The following ZNF711 variants were observed in gnomAD, a reference collection of about 807,000 sequenced individuals.
ZNF711 encodes the protein zinc finger protein 711.
Under a neutral mutation model 43.5 loss-of-function variants are expected in ZNF711, and 3 were observed. The observed-to-expected ratio is 0.07, with a 90% confidence interval of 0.03 to 0.18. The LOEUF is 0.18. Ranked by LOEUF, ZNF711 falls within the 10% of genes least tolerant of loss-of-function variation. The probability of loss-of-function intolerance (pLI) is 1.00; values close to 1 mark genes in which losing one functional copy is unlikely to be tolerated. For synonymous variants in ZNF711, 209 were observed against 207.7 expected (o/e 1.01, Z -0.06); for missense variants, 412 against 604.0 (o/e 0.68, Z 3.33).
intron 4 of ZNF711, among the ~76,000 whole-genome samples, chrX:85,249,782 A>G (rs886849555): frequency 3.6e-5 from 4 of 111,857 alleles, no homozygotes; most frequent in Non-Finnish European, 7.5e-5. Context: ...ACAAAATTGT[A>G]TAACCATCAC....
chrX:85,247,828 T>A (rs1929164712), intron 4 of ZNF711, among the ~76,000 whole-genome samples, 177 bp downstream of exon 4: 1 of 111,454 alleles, frequency 9.0e-6, no homozygotes, highest in Non-Finnish European at 1.9e-5. Context: ...TAACATCACT[T>A]TTACAATTTA....
chrX:85,269,059 C>A (rs1320970089), intron 9 of ZNF711, among the ~76,000 whole-genome samples: 1 of 111,503 alleles, frequency 9.0e-6, no homozygotes, highest in Non-Finnish European at 1.9e-5. Context: ...TTATTAAGTA[C>A]TTTTTAATGT....
rs754349223 is a variant in ZNF711 at position 85,263,827 on chromosome X, C to T, written c.623-448C>T. The stretch of plus-strand genomic sequence containing the variant: ...CTGTAAATAGATTTTTATATAATTG[C>T]GATTATGTAATATAACTGATCTTGT... On this transcript the variant is annotated intron_variant, in intron 5 of 10. Transcript: ENST00000674551. Among the ~76,000 whole-genome samples, 8 of 110,350 alleles carry T rather than the reference C, an allele frequency of 7.2e-5. No homozygotes were observed. The South Asian group carries it at 1.9e-3, about 26-fold the overall frequency.
At chrX:85,248,161 CTTTT>C (rs35501637) in intron 4 of ZNF711, among the ~76,000 whole-genome samples, 12,610 of 97,318 alleles carry the variant, frequency 0.13, 721 homozygotes, top group South Asian at 0.15. Context: ...TTTTCTTTCT[CTTTT>C]TTTTTTTTAA....
At chrX:85,247,235 A>G (rs1255009024) in intron 3 of ZNF711, 47 bp downstream of exon 3, 4 of 310,409 alleles carry the variant, frequency 1.3e-5, no homozygotes, top group Non-Finnish European at 2.2e-5. Flanking sequence ...TTCTTCTTTT[A>G]TAACCTATGT....
intron 6 of ZNF711, among the ~76,000 whole-genome samples, chrX:85,264,885 A>G (rs1339321609): frequency 9.0e-6 from 1 of 111,188 alleles, no homozygotes; most frequent in Non-Finnish European, 1.9e-5. Context: ...AAATATGTAT[A>G]AAAGACTTAT....
chrX:85,255,344 C>T lies in ZNF711; in HGVS notation c.165C>T (p.Val55=), dbSNP rs1930028018. 8.3e-7 allele frequency: 1 copy of T among 1,209,421 alleles called. No individual in the cohort carries two copies. Among genetic ancestry groups the T allele is most frequent in the Non-Finnish European group, 1.1e-6 (1 of 895,021 alleles). ...AAGCTGTTTTAGTTTCTGATGTTGTCACAGATGATGGGATAACTCTTGATC... is the reference window on the plus strand; with the variant it reads ...AAGCTGTTTTAGTTTCTGATGTTGTTACAGATGATGGGATAACTCTTGATC... ...VPEAVLVSDV[V]TDDGITLDHG... Residue 55 remains valine, a synonymous_variant, in exon 5 of 11, where the codon GTC becomes GTT. Coordinates refer to ENST00000674551, the MANE Select transcript of ZNF711 (RefSeq NM_001330574.2).
chrX:85,269,375 T>C (rs1206881726), intron 9 of ZNF711, among the ~76,000 whole-genome samples: 2 of 104,943 alleles, frequency 1.9e-5, no homozygotes, highest in African/African-American at 7.7e-5. Context: ...TCTTTCTTTC[T>C]TTTTTCTTTT....
intron 5 of ZNF711, among the ~76,000 whole-genome samples, chrX:85,257,651 A>G (rs144410097): frequency 1.8e-4 from 20 of 112,426 alleles, no homozygotes; most frequent in Non-Finnish European, 2.6e-4. Context: ...GTGTGTCTTC[A>G]TGGTAGAATG....
intron 5 of ZNF711, among the ~76,000 whole-genome samples, chrX:85,260,157 G>C (rs1163351447): frequency 9.0e-6 from 1 of 111,191 alleles, no homozygotes; most frequent in Non-Finnish European, 1.9e-5. Context: ...TGATCACATG[G>C]TTTTTGCTTG....
rs1929469318 is a variant in ZNF711 at position 85,250,483 on chromosome X, AC to A, written c.79+2833del. Among the ~76,000 whole-genome samples the A allele has an allele frequency of 2.7e-5, 3 of 111,793 alleles. No homozygotes were observed. The South Asian group carries it at 1.1e-3, about 41-fold the overall frequency. On this transcript the variant is annotated intron_variant, in intron 4 of 10. Coordinates refer to ENST00000674551, the MANE Select transcript of ZNF711 (RefSeq NM_001330574.2). Reference sequence around the variant, plus strand: ...CTCTAAAATGAATTTAATTGAGTAAACTGATTTGTATCAGAAAAATGTTTAA... The same window carrying A: ...CTCTAAAATGAATTTAATTGAGTAAATGATTTGTATCAGAAAAATGTTTAA...
intron 1 of ZNF711, chrX:85,244,953 G>A (rs1928889982): frequency 8.9e-6 from 1 of 111,805 alleles, no homozygotes; most frequent in African/African-American, 3.3e-5. Flanking sequence ...TGCTGCGAAG[G>A]TTCTCTTGTT....
At chrX:85,262,318 T>A (rs1930727337) in intron 5 of ZNF711, among the ~76,000 whole-genome samples, 1 of 110,749 alleles carries the variant, frequency 9.0e-6, no homozygotes, top group African/African-American at 3.3e-5. Context: ...ACTCAGCTTA[T>A]CCCAGAAGGA....
intron 4 of ZNF711, among the ~76,000 whole-genome samples, chrX:85,250,967 T>C (rs1929501941): frequency 9.0e-6 from 1 of 111,601 alleles, no homozygotes. Context: ...CTGGAAATTT[T>C]AGCCCTGATA....
At chrX:85,264,791 A>G (rs1432726068) in intron 6 of ZNF711, among the ~76,000 whole-genome samples, 2 of 110,085 alleles carry the variant, frequency 1.8e-5, no homozygotes, top group African/African-American at 6.6e-5. Context: ...AAATTACTTA[A>G]CCCCCTTCTG....
At chrX:85,269,445 A>G (rs1318954432) in intron 9 of ZNF711, among the ~76,000 whole-genome samples, 2 of 106,895 alleles carry the variant, frequency 1.9e-5, no homozygotes, top group Non-Finnish European at 3.9e-5. Context: ...CAGTAGCACA[A>G]TCATAGCTCA....
At chrX:85,270,491 TG>T (rs1931488305) in intron 10 of ZNF711, among the ~76,000 whole-genome samples, 159 bp from the exon 11 acceptor site, 1 of 111,388 alleles carries the variant, frequency 9.0e-6, no homozygotes, top group African/African-American at 3.3e-5. Context: ...TGAGCTACTT[TG>T]CCATAAATTG....
intron 8 of ZNF711, 131 bp from the exon 9 acceptor site, chrX:85,268,160 CACA>C: frequency 1.2e-5 from 9 of 768,155 alleles, no homozygotes; most frequent in Non-Finnish European, 1.7e-5. Flanking sequence ...AGTGGAAGAA[CACA>C]ACAATTTTTT....
Position 85,268,268 on chromosome X carries a change from CTTTTTTTT to C in ZNF711, c.1055-10_1055-3del. On this transcript the variant is annotated intron_variant, in intron 8 of 10. Coordinates refer to ENST00000674551, the MANE Select transcript of ZNF711 (RefSeq NM_001330574.2). ...ATTAGCATATCAGTTTGTAATTGGTCTTTTTTTTTTTTTTTTTTTTTTTAGGAGATGAA... is the reference window on the plus strand; with the variant it reads ...ATTAGCATATCAGTTTGTAATTGGTCTTTTTTTTTTTTTTTAGGAGATGAA... 2.2e-6 allele frequency: 2 copies of C among 910,994 alleles called. No individual in the cohort carries two copies. Among genetic ancestry groups the C allele is most frequent in the Non-Finnish European group, 2.9e-6 (2 of 691,324 alleles). The allele number at this position is 910,994 out of a possible 1,213,427, so 75.1% of individuals were successfully genotyped here.
Sources: allele counts gnomAD v4.1 joint callset (sites outside exome capture counted in the v4.1 genomes callset), GRCh38; gene constraint gnomAD v4.1.1; transcripts MANE v1.5; gene names NCBI Gene and HGNC (gene_info 2026-07-23, HGNC 2026-07-21).